Variants in SORCS3 observed in about 807,000 individuals in gnomAD.
The protein encoded by SORCS3 is VPS10 domain-containing receptor SorCS3.
In SORCS3, 57 loss-of-function variants were observed where a neutral mutation model predicts 146.3. That is an observed-to-expected ratio of 0.39 (90% CI 0.31 to 0.49). The LOEUF (loss-of-function observed/expected upper bound fraction) is 0.49, where lower values mean the gene tolerates loss of function less well. Ranked by LOEUF, SORCS3 falls within the 20% of genes least tolerant of loss-of-function variation. SORCS3 has a pLI of 0.92. For missense variants in SORCS3, 1,341 were observed against 1,575.5 expected (o/e 0.85, Z 2.52); for synonymous variants, 653 against 618.5 (o/e 1.06, Z -0.83).
intron 3 of SORCS3, among the ~76,000 whole-genome samples, chr10:104,976,892 C>T (rs899603439): frequency 2.0e-5 from 3 of 151,910 alleles, no homozygotes; most frequent in Non-Finnish European, 4.4e-5. Flanking sequence ...GGGAACATCA[C>T]ACTCTGGGGA....
chr10:105,073,660 G>A (rs189572060), intron 5 of SORCS3, among the ~76,000 whole-genome samples: 4 of 152,220 alleles, frequency 2.6e-5, no homozygotes, highest in East Asian at 1.9e-4. Flanking sequence ...AGGCATGAGC[G>A]TGGGAGGCAT....
intron 3 of SORCS3, among the ~76,000 whole-genome samples, chr10:104,954,518 C>T (rs2019466701): frequency 3.9e-5 from 6 of 152,120 alleles, no homozygotes; most frequent in Admixed American, 3.9e-4. Flanking sequence ...ATGAGGGGGC[C>T]TCTGCTTGTT....
intron 4 of SORCS3, among the ~76,000 whole-genome samples, chr10:105,037,503 G>C (rs1239892013): frequency 6.6e-6 from 1 of 152,172 alleles, no homozygotes. Flanking sequence ...GCTTCTGGTG[G>C]TTGCTGGTTT....
At chr10:104,776,102 G>A (rs1351617901) in intron 1 of SORCS3, among the ~76,000 whole-genome samples, 1 of 152,148 alleles carries the variant, frequency 6.6e-6, no homozygotes, top group Admixed American at 6.6e-5. Context: ...AGTATTATAG[G>A]TGCTAAGGAC....
intron 1 of SORCS3, among the ~76,000 whole-genome samples, chr10:104,838,024 G>A (rs1437404303): frequency 6.6e-6 from 1 of 152,098 alleles, no homozygotes; most frequent in Non-Finnish European, 1.5e-5. Flanking sequence ...TAAAATGGGC[G>A]ATATTATATA....
chr10:105,124,346 G>C (rs892046779), intron 7 of SORCS3, among the ~76,000 whole-genome samples: 1 of 152,170 alleles, frequency 6.6e-6, no homozygotes, highest in African/African-American at 2.4e-5. Context: ...TTACAGACAG[G>C]GGGCTGCTGT....
At chr10:105,058,058 T>A (rs1345320430) in intron 5 of SORCS3, among the ~76,000 whole-genome samples, 1 of 152,146 alleles carries the variant, frequency 6.6e-6, no homozygotes, top group Admixed American at 6.5e-5. Context: ...TCCAACCTTT[T>A]CCCCTAACAG....
chr10:104,857,267 C>T (rs999158091), intron 2 of SORCS3, among the ~76,000 whole-genome samples: 3 of 151,940 alleles, frequency 2.0e-5, no homozygotes, highest in Non-Finnish European at 2.9e-5. Flanking sequence ...TAGTGGAAGA[C>T]TTTGGTGCCA....
chr10:104,911,305 C>A (rs186723075), intron 2 of SORCS3, among the ~76,000 whole-genome samples: 1 of 152,274 alleles, frequency 6.6e-6, no homozygotes, highest in Non-Finnish European at 1.5e-5. Flanking sequence ...AGGACTTGTT[C>A]CTCTGAGACC....
At chr10:105,127,932 C>A (rs1286885714) in intron 7 of SORCS3, among the ~76,000 whole-genome samples, 20 of 152,128 alleles carry the variant, frequency 1.3e-4, no homozygotes, top group Non-Finnish European at 2.5e-4. Flanking sequence ...CTATACTAGC[C>A]ATTCTTTGGA....
At chr10:104,884,663 G>A (rs550081664) in intron 2 of SORCS3, among the ~76,000 whole-genome samples, 1 of 152,096 alleles carries the variant, frequency 6.6e-6, no homozygotes, top group East Asian at 1.9e-4. Flanking sequence ...GGAAGGAGGT[G>A]ACCTTTTTGA....
chr10:104,655,692 C>G (rs1478621303), intron 1 of SORCS3, among the ~76,000 whole-genome samples: 2 of 152,120 alleles, frequency 1.3e-5, no homozygotes, highest in African/African-American at 4.8e-5. Flanking sequence ...AATGGTTTAG[C>G]ACCATCCTCT....
At chr10:105,115,747 T>C (rs528281259) in intron 7 of SORCS3, among the ~76,000 whole-genome samples, 1 of 152,284 alleles carries the variant, frequency 6.6e-6, no homozygotes, top group South Asian at 2.1e-4. Flanking sequence ...CCCAGTAAAT[T>C]ACTATCTTTC....
chr10:104,898,103 C>T (rs1056990408), intron 2 of SORCS3, among the ~76,000 whole-genome samples: 2 of 152,162 alleles, frequency 1.3e-5, no homozygotes, highest in African/African-American at 4.8e-5. Context: ...ATCTGAAGAA[C>T]GTGAGTTCTA....
intron 2 of SORCS3, among the ~76,000 whole-genome samples, chr10:104,875,881 C>T (rs2018566254): frequency 6.6e-6 from 1 of 152,146 alleles, no homozygotes; most frequent in South Asian, 2.1e-4. Context: ...GACCCTATAA[C>T]ATGAAGGTGA....
chr10:104,855,299 G>A (rs1313742864), intron 2 of SORCS3, among the ~76,000 whole-genome samples: 2 of 152,110 alleles, frequency 1.3e-5, no homozygotes, highest in African/African-American at 4.8e-5. Flanking sequence ...AGCTGTTCTA[G>A]GGCCTGTGCT....
chr10:104,977,687 G>A (rs1016780648), intron 4 of SORCS3, among the ~76,000 whole-genome samples, 194 bp downstream of exon 4: 1 of 149,104 alleles, frequency 6.7e-6, no homozygotes. Context: ...ATGTAGACAG[G>A]TATATTTCAC....
intron 1 of SORCS3, among the ~76,000 whole-genome samples, chr10:104,674,306 G>T (rs1190308243): frequency 1.3e-5 from 2 of 152,142 alleles, no homozygotes; most frequent in African/African-American, 4.8e-5. Context: ...TCCTCCCCTG[G>T]GGTGTGGACT....
At chr10:105,123,362 T>G (rs2055949036) in intron 7 of SORCS3, among the ~76,000 whole-genome samples, 1 of 152,222 alleles carries the variant, frequency 6.6e-6, no homozygotes, top group African/African-American at 2.4e-5. Flanking sequence ...GGGATTGCTG[T>G]TCAGAGGTAT....
Sources: gnomAD v4.1 joint callset for allele counts (sites outside exome capture counted in the v4.1 genomes callset) on GRCh38, gnomAD v4.1.1 for gene constraint, MANE v1.5 for transcripts, NCBI Gene and HGNC (gene_info 2026-07-23, HGNC 2026-07-21) for gene names.